Variants in CAPN5 observed in about 807,000 individuals in gnomAD.
CAPN5 encodes calpain-5.
A neutral mutation model predicts 73.0 loss-of-function variants in CAPN5; 54 were observed. The ratio of observed to expected loss-of-function variants is 0.74; its 90% confidence interval spans 0.59 to 0.93. CAPN5 has a LOEUF of 0.93. Among genes scored for constraint, CAPN5 ranks in the 40% least tolerant of loss-of-function variants. CAPN5 has a pLI of 0.00. For missense variants in CAPN5, 785 were observed against 882.9 expected, an observed-to-expected ratio of 0.89 and a Z score of 1.41; for synonymous variants, 335 against 356.9, an observed-to-expected ratio of 0.94 and a Z score of 0.69.
Position 77,085,046 on chromosome 11 carries a change from C to T in CAPN5, c.160C>T (p.Pro54Ser), listed in dbSNP as rs372612230. The T allele has an allele frequency of 3.1e-6, 5 of 1,613,012 alleles. No homozygotes were observed. In the African/African-American group the frequency reaches 4.0e-5, roughly 13 times the overall value. The change falls in exon 2 of 13, where the codon CCC (proline) becomes TCC (serine). Residue 54 changes from proline to serine, a missense_variant. Transcript: ENST00000648180. ...TPGPAVRWKR[P>S]KGICEDPRLF... ...GGGGCCCGCCGTCAGGTGGAAGCGA[C>T]CCAAGGTCAGTGTCTGGTCCCAGCT...
At chr11:77,079,079 T>G (rs1555034280) in intron 1 of CAPN5, among the ~76,000 whole-genome samples, 1 of 152,192 alleles carries the variant, frequency 6.6e-6, no homozygotes, top group African/African-American at 2.4e-5. Flanking sequence ...TGAACCATCC[T>G]TGCATCCTTC....
intron 4 of CAPN5, among the ~76,000 whole-genome samples, chr11:77,113,379 A>C (rs1489152215): frequency 6.6e-6 from 1 of 152,164 alleles, no homozygotes; most frequent in African/African-American, 2.4e-5. Flanking sequence ...GCTGTGGGGA[A>C]CCCTGGGGAA....
intron 3 of CAPN5, among the ~76,000 whole-genome samples, chr11:77,112,167 G>A (rs73493654): frequency 0.049 from 7,435 of 152,090 alleles, 221 homozygotes; most frequent in African/African-American, 0.082. Context: ...GAATGGAGGC[G>A]CTCAGATTGG....
At chr11:77,103,460 C>T in intron 3 of CAPN5, 5 of 1,111,374 alleles carry the variant, frequency 4.5e-6, no homozygotes, top group Non-Finnish European at 5.1e-6. Context: ...CCAGAGGCCC[C>T]CTGAGTCCCA....
intron 3 of CAPN5, chr11:77,103,112 C>T: frequency 6.2e-7 from 1 of 1,613,936 alleles, no homozygotes; most frequent in South Asian, 1.1e-5. Context: ...CGCCTGACCT[C>T]ACCAACCTCA....
At chr11:77,120,654 T>G (rs1555042588) in intron 9 of CAPN5, 59 bp from the exon 10 acceptor site, 3 of 1,178,958 alleles carry the variant, frequency 2.5e-6, no homozygotes, top group East Asian at 2.4e-5. Flanking sequence ...GGAGGCGGGG[T>G]GGGCCAGGGT....
At chr11:77,112,439 G>A (rs1950420563) in intron 3 of CAPN5, 150 bp from the exon 4 acceptor site, 6 of 654,136 alleles carry the variant, frequency 9.2e-6, no homozygotes, top group South Asian at 3.6e-5. Flanking sequence ...GGATTCATCC[G>A]GGTCTCACGA....
rs537256201 is a variant in CAPN5 at position 77,089,049 on chromosome 11, A to T, written c.165+3998A>T. 5.8e-4 allele frequency among the ~76,000 whole-genome samples: 88 copies of T among 152,264 alleles called. 1 individual carries two copies. The highest frequency in any genetic ancestry group is 2.1e-3 in the African/African-American group (87 of 41,554). On this transcript the variant is annotated intron_variant, in intron 2 of 12. Coordinates refer to ENST00000648180, the MANE Select transcript of CAPN5 (RefSeq NM_004055.5). Reference sequence around the variant, plus strand: ...CTCCCAGGGACCTGTCTGTAGCCCCAGTGGAACCTGCCAAGCTTTGCTAAG... The same window carrying T: ...CTCCCAGGGACCTGTCTGTAGCCCCTGTGGAACCTGCCAAGCTTTGCTAAG...
chr11:77,120,645 G>A, intron 9 of CAPN5, 68 bp from the exon 10 acceptor site: 3 of 1,032,418 alleles, frequency 2.9e-6, no homozygotes, highest in Non-Finnish European at 4.3e-6. Context: ...TGGTGAGGGG[G>A]AGGCGGGGTG....
At chr11:77,116,539 T>G (rs1555041818) in intron 7 of CAPN5, among the ~76,000 whole-genome samples, 4 of 152,200 alleles carry the variant, frequency 2.6e-5, no homozygotes, top group South Asian at 4.1e-4. Context: ...TGAGGGGTCC[T>G]GGAGCCGCTG....
chr11:77,081,273 C>T lies in CAPN5; in HGVS notation c.-35-3579C>T, dbSNP rs557945017. Among the ~76,000 whole-genome samples, 9 of 152,320 alleles carry T rather than the reference C, an allele frequency of 5.9e-5. No homozygotes were observed. The East Asian group carries it at 1.2e-3, about 20-fold the overall frequency. On this transcript the variant is annotated intron_variant, in intron 1 of 12. Transcript: ENST00000648180. ...TGTCTTTCATACCTCTGAGCCTTTG[C>T]GTGAACTGTTCCCTTTGCCTGGAAT... is the stretch of plus-strand genomic sequence containing the variant.
At chr11:77,114,943 ATCCCAGCTAC>A (rs1555041436) in intron 5 of CAPN5, among the ~76,000 whole-genome samples, 1 of 152,138 alleles carries the variant, frequency 6.6e-6, no homozygotes. Flanking sequence ...CATGCCTGTA[ATCCCAGCTAC>A]TCGGGAGGCT....
At chr11:77,122,168 C>A in intron 11 of CAPN5, 119 bp downstream of exon 11, 1 of 611,160 alleles carries the variant, frequency 1.6e-6, no homozygotes, top group Admixed American at 3.2e-5. Context: ...CAGGCCTGGC[C>A]ATTTCTGGGG....
At chr11:77,121,857 C>T (rs901694639) in intron 10 of CAPN5, 77 bp from the exon 11 acceptor site, 13 of 726,426 alleles carry the variant, frequency 1.8e-5, no homozygotes, top group African/African-American at 1.3e-4. Flanking sequence ...TCCCTTCCCA[C>T]TTCCTGAACC....
chr11:77,073,760 G>A (rs1161242842), intron 1 of CAPN5, among the ~76,000 whole-genome samples: 2 of 152,222 alleles, frequency 1.3e-5, no homozygotes, highest in African/African-American at 4.8e-5. Flanking sequence ...GGAAGGAGAG[G>A]GGAGGGGAGG....
intron 3 of CAPN5, among the ~76,000 whole-genome samples, chr11:77,100,828 G>A (rs1252048369): frequency 8.5e-5 from 13 of 152,136 alleles, no homozygotes; most frequent in African/African-American, 2.4e-4. Context: ...CTGCCCTCTC[G>A]CTTTGCCCTT....
Position 77,123,705 on chromosome 11 carries a change from G to T in CAPN5, c.1758G>T (p.Val586=). The stretch of plus-strand genomic sequence containing the variant: ...CTTCCCAGGTCTGGAACCACCGAGT[G>T]CTGAAGGATGAATTTCTGGGCCAGG... ...PITVQVWNHR[V]LKDEFLGQVH... Residue 586 remains valine, a synonymous_variant, in exon 13 of 13, where the codon GTG becomes GTT. Coordinates refer to ENST00000648180, the MANE Select transcript of CAPN5 (RefSeq NM_004055.5). 6.2e-7 allele frequency: 1 copy of T among 1,613,742 alleles called. No individual in the cohort carries two copies. Among genetic ancestry groups the T allele is most frequent in the Non-Finnish European group, 8.5e-7 (1 of 1,179,872 alleles).
chr11:77,073,402 C>T (rs1188783984), intron 1 of CAPN5, among the ~76,000 whole-genome samples: 1 of 152,088 alleles, frequency 6.6e-6, no homozygotes, highest in Non-Finnish European at 1.5e-5. Flanking sequence ...ACAACAGCGG[C>T]TCCTGCTGTC....
intron 2 of CAPN5, 84 bp from the exon 3 acceptor site, chr11:77,093,598 C>CGTCTGTGTCTGTCAT (rs373163273): frequency 1.2e-5 from 10 of 864,906 alleles, no homozygotes; most frequent in East Asian, 6.7e-5. Context: ...GTGTCTGTCA[C>CGTCTGTGTCTGTCAT]GTCTGTGTCT....
Sources: allele counts gnomAD v4.1 joint callset (sites outside exome capture counted in the v4.1 genomes callset), GRCh38; gene constraint gnomAD v4.1.1; transcripts MANE v1.5; gene names NCBI Gene and HGNC (gene_info 2026-07-23, HGNC 2026-07-21).